Variants in PPP3CA observed in about 807,000 individuals in gnomAD.
PPP3CA encodes protein phosphatase 3 catalytic subunit alpha.
Under a neutral mutation model 66.5 loss-of-function variants are expected in PPP3CA, and 14 were observed. The ratio of observed to expected loss-of-function variants is 0.21; its 90% CI spans 0.14 to 0.33. PPP3CA has a LOEUF of 0.33. PPP3CA is among the 10% of genes least tolerant of loss of function. The pLI, the probability that PPP3CA is intolerant of heterozygous loss-of-function variation, is 1.00. For missense variants in PPP3CA, 317 were observed against 639.5 expected (o/e 0.50, Z 5.44); for synonymous variants, 232 against 226.2 (o/e 1.03, Z -0.23).
intron 1 of PPP3CA, among the ~76,000 whole-genome samples, chr4:101,337,397 C>T (rs1729665277): frequency 6.6e-6 from 1 of 152,112 alleles, no homozygotes; most frequent in Non-Finnish European, 1.5e-5. Context: ...ATTTAAAGTC[C>T]TTTAATCATC....
chr4:101,037,460 T>C (rs2037773), intron 11 of PPP3CA, among the ~76,000 whole-genome samples: 25,436 of 152,210 alleles, frequency 0.17, 2,331 homozygotes, highest in South Asian at 0.24. Context: ...TTGTACCACA[T>C]TCCACATTCA....
chr4:101,249,325 A>C (rs1726598515), intron 1 of PPP3CA, among the ~76,000 whole-genome samples: 1 of 152,106 alleles, frequency 6.6e-6, no homozygotes, highest in East Asian at 1.9e-4. Context: ...CTTAGCTATA[A>C]ATTTTTATTT....
rs1276981143 is a variant in PPP3CA at position 101,068,847 on chromosome 4, T to G, written c.956-5490A>C. On this transcript the variant is annotated intron_variant, in intron 8 of 13. Coordinates refer to ENST00000394854, the MANE Select transcript of PPP3CA (RefSeq NM_000944.5). ...AGGACTGTATTCATAACTTTTACTC[T>G]TTAGATCATAAGCTTAAGTGAAAGT... Among the ~76,000 whole-genome samples the G allele has an allele frequency of 4.6e-5, 7 of 152,278 alleles. No homozygotes were observed. In the East Asian group the frequency reaches 1.3e-3, roughly 29 times the overall value.
chr4:101,327,509 C>A (rs1429002473), intron 1 of PPP3CA, among the ~76,000 whole-genome samples: 1 of 150,576 alleles, frequency 6.6e-6, no homozygotes, highest in Non-Finnish European at 1.5e-5. Context: ...AAAAAAAAGA[C>A]AAACAAAAAA....
intron 1 of PPP3CA, among the ~76,000 whole-genome samples, chr4:101,308,817 T>C (rs771775435): frequency 1.3e-5 from 2 of 152,198 alleles, no homozygotes; most frequent in Non-Finnish European, 2.9e-5. Flanking sequence ...CTTTCTGCAA[T>C]GTGAAATTTT....
chr4:101,335,350 G>A (rs766168884), intron 1 of PPP3CA, among the ~76,000 whole-genome samples: 1 of 151,898 alleles, frequency 6.6e-6, no homozygotes, highest in African/African-American at 2.4e-5. Context: ...GGTCAAGTGA[G>A]GTGCTGAGCT....
chr4:101,308,955 G>T (rs1385785228), intron 1 of PPP3CA, among the ~76,000 whole-genome samples: 1 of 152,024 alleles, frequency 6.6e-6, no homozygotes, highest in African/African-American at 2.4e-5. Context: ...GGGAAACTCC[G>T]TCTCTACAAA....
chr4:101,339,107 T>C (rs557951441), intron 1 of PPP3CA, among the ~76,000 whole-genome samples: 1 of 152,162 alleles, frequency 6.6e-6, no homozygotes, highest in Non-Finnish European at 1.5e-5. Flanking sequence ...TGGCATCCAA[T>C]GACATTTTGG....
chr4:101,150,364 C>A (rs1167775126), intron 2 of PPP3CA, among the ~76,000 whole-genome samples: 1 of 152,154 alleles, frequency 6.6e-6, no homozygotes, highest in Non-Finnish European at 1.5e-5. Context: ...CAGTATTGTG[C>A]AGTGTGAAGA....
At chr4:101,289,391 T>C (rs1263068867) in intron 1 of PPP3CA, among the ~76,000 whole-genome samples, 1 of 152,220 alleles carries the variant, frequency 6.6e-6, no homozygotes, top group East Asian at 1.9e-4. Flanking sequence ...TTTATCCACT[T>C]GCTTATTTAT....
intron 2 of PPP3CA, among the ~76,000 whole-genome samples, chr4:101,164,919 A>G (rs574677086): frequency 8.9e-4 from 136 of 152,288 alleles, no homozygotes; most frequent in African/African-American, 3.0e-3. Flanking sequence ...TTGCACATGT[A>G]TATAGGCATA....
chr4:101,086,811 C>A (rs1200441251), intron 6 of PPP3CA, among the ~76,000 whole-genome samples: 1 of 152,220 alleles, frequency 6.6e-6, no homozygotes, highest in Non-Finnish European at 1.5e-5. Context: ...GAGAGGAACA[C>A]CGCTTTTTCA....
intron 3 of PPP3CA, among the ~76,000 whole-genome samples, chr4:101,101,263 T>C (rs1197332242): frequency 6.6e-6 from 1 of 151,852 alleles, no homozygotes; most frequent in African/African-American, 2.4e-5. Flanking sequence ...CCTCAGTGAG[T>C]AGTCCGGTAG....
chr4:101,343,465 ATTC>A (rs1480475470), intron 1 of PPP3CA, among the ~76,000 whole-genome samples: 1 of 152,148 alleles, frequency 6.6e-6, no homozygotes, highest in Non-Finnish European at 1.5e-5. Flanking sequence ...GAAGACAGTT[ATTC>A]TTCTATTTAT....
chr4:101,124,167 T>C (rs975532834), intron 2 of PPP3CA, among the ~76,000 whole-genome samples: 1 of 152,190 alleles, frequency 6.6e-6, no homozygotes, highest in Non-Finnish European at 1.5e-5. Context: ...TGCTAGGTAA[T>C]GGGTAACTGA....
At chr4:101,222,257 G>C (rs1725649687) in intron 1 of PPP3CA, among the ~76,000 whole-genome samples, 1 of 151,540 alleles carries the variant, frequency 6.6e-6, no homozygotes, top group Non-Finnish European at 1.5e-5. Context: ...AGTTAGGAGA[G>C]AAAGTCATTT....
chr4:101,325,818 C>T (rs1236732228), intron 1 of PPP3CA, among the ~76,000 whole-genome samples: 4 of 152,052 alleles, frequency 2.6e-5, no homozygotes, highest in Admixed American at 6.6e-5. Flanking sequence ...TTAAAATGTG[C>T]GCATTCATTA....
At chr4:101,063,796 C>A (rs1330152869) in intron 8 of PPP3CA, among the ~76,000 whole-genome samples, 2 of 151,770 alleles carry the variant, frequency 1.3e-5, no homozygotes, top group African/African-American at 4.8e-5. Flanking sequence ...AACAGTTGTA[C>A]AAAATAGTTT....
chr4:101,334,573 A>G (rs1729566624), intron 1 of PPP3CA, among the ~76,000 whole-genome samples: 1 of 152,222 alleles, frequency 6.6e-6, no homozygotes, highest in South Asian at 2.1e-4. Flanking sequence ...TAAATTAGTC[A>G]GTTAATTATG....
Sources: allele counts gnomAD v4.1 joint callset (sites outside exome capture counted in the v4.1 genomes callset), GRCh38; gene constraint gnomAD v4.1.1; transcripts MANE v1.5; gene names NCBI Gene and HGNC (gene_info 2026-07-23, HGNC 2026-07-21).